Variants in SELENOI observed in about 807,000 individuals in gnomAD.
SELENOI encodes selenoprotein I.
Under a neutral mutation model 50.7 loss-of-function variants are expected in SELENOI, and 24 were observed. The observed-to-expected ratio is 0.47, with a 90% CI of 0.34 to 0.67. SELENOI has a LOEUF of 0.67. Ranked by LOEUF, SELENOI falls within the 30% of genes least tolerant of loss-of-function variation. The pLI, the probability that SELENOI is intolerant of heterozygous loss-of-function variation, is 0.01. For synonymous variants in SELENOI, 155 were observed against 170.2 expected, an observed-to-expected ratio of 0.91 and a Z score of 0.70; for missense variants, 352 against 461.4, an observed-to-expected ratio of 0.76 and a Z score of 2.17.
chr2:26,387,003 T>C (rs1677857257), intron 9 of SELENOI, among the ~76,000 whole-genome samples: 1 of 152,240 alleles, frequency 6.6e-6, no homozygotes, highest in Non-Finnish European at 1.5e-5. Flanking sequence ...CTGCCCAGTT[T>C]GCTAAGCAGT....
intron 1 of SELENOI, among the ~76,000 whole-genome samples, chr2:26,348,943 C>G (rs1353008017): frequency 7.0e-6 from 1 of 142,002 alleles, no homozygotes; most frequent in Non-Finnish European, 1.5e-5. Flanking sequence ...GAGAATTATA[C>G]TGAAGGATTT....
At chr2:26,349,954 A>G (rs1676920864) in intron 1 of SELENOI, among the ~76,000 whole-genome samples, 1 of 150,542 alleles carries the variant, frequency 6.6e-6, no homozygotes, top group Non-Finnish European at 1.5e-5. Flanking sequence ...AAAAAAAAAA[A>G]AAAAATTAGC....
At chr2:26,377,589 G>A (rs547507139) in intron 6 of SELENOI, among the ~76,000 whole-genome samples, 1 of 151,842 alleles carries the variant, frequency 6.6e-6, no homozygotes, top group African/African-American at 2.4e-5. Context: ...CTGTAATTGT[G>A]CCACTGTACT....
chr2:26,372,438 G>A (rs539136786), intron 4 of SELENOI, among the ~76,000 whole-genome samples: 3 of 152,330 alleles, frequency 2.0e-5, no homozygotes, highest in East Asian at 1.9e-4. Flanking sequence ...TAAATTCTCT[G>A]AGGGCACAGT....
chr2:26,362,085 T>G (rs1285340517), intron 1 of SELENOI, among the ~76,000 whole-genome samples: 2 of 152,186 alleles, frequency 1.3e-5, no homozygotes, highest in Admixed American at 6.5e-5. Context: ...GGCTTATTGG[T>G]TGACTCTTTG....
intron 4 of SELENOI, among the ~76,000 whole-genome samples, chr2:26,370,784 A>G (rs1574757619): frequency 5.9e-5 from 7 of 118,438 alleles, no homozygotes; most frequent in Admixed American, 1.7e-4. Flanking sequence ...CTGGCCGGGC[A>G]GAGGGGCTCC....
chr2:26,386,041 C>T (rs1572338287), intron 8 of SELENOI, among the ~76,000 whole-genome samples: 2 of 151,496 alleles, frequency 1.3e-5, no homozygotes, highest in African/African-American at 4.8e-5. Flanking sequence ...TTTAACATAT[C>T]GTAGAATCTT....
chr2:26,382,266 C>T (rs1572336629), intron 6 of SELENOI, among the ~76,000 whole-genome samples: 1 of 152,204 alleles, frequency 6.6e-6, no homozygotes, highest in African/African-American at 2.4e-5. Context: ...GTGGGGCACC[C>T]AGGTAGTAAT....
chr2:26,374,191 A>G (rs62128670), intron 5 of SELENOI, among the ~76,000 whole-genome samples: 4,432 of 152,338 alleles, frequency 0.029, 97 homozygotes, highest in Middle Eastern at 0.054. Flanking sequence ...TCTTAATGTT[A>G]TTGCATGTTC....
At chr2:26,348,414 A>G (rs1203291782) in intron 1 of SELENOI, among the ~76,000 whole-genome samples, 2 of 152,262 alleles carry the variant, frequency 1.3e-5, no homozygotes, top group Admixed American at 6.5e-5. Context: ...CTAGAGGTAT[A>G]TCTGAGAGCT....
rs564621691 is a variant in SELENOI at position 26,372,914 on chromosome 2, G to T, written c.311-453G>T. Among the ~76,000 whole-genome samples the T allele has an allele frequency of 1.8e-4, 27 of 152,238 alleles. 1 individual carries two copies. The South Asian group carries it at 5.2e-3, about 29-fold the overall frequency. On this transcript the variant is annotated intron_variant, in intron 4 of 9. Coordinates refer to ENST00000260585, the MANE Select transcript of SELENOI (RefSeq NM_033505.4). ...TGTTTAAAATTTTTTTTAGAGGCAG[G>T]ATCTCGCTCTGTTGCCCAGACTGGA...
At chr2:26,380,408 C>T (rs981077245) in intron 6 of SELENOI, among the ~76,000 whole-genome samples, 3 of 151,990 alleles carry the variant, frequency 2.0e-5, no homozygotes, top group Non-Finnish European at 2.9e-5. Context: ...TTTCCTCCCC[C>T]CTCTTAATTG....
rs1317672914 is a variant in SELENOI at position 26,349,979 on chromosome 2, C to T, written c.57+3690C>T. Among the ~76,000 whole-genome samples the T allele has an allele frequency of 3.4e-5, 5 of 146,904 alleles. No homozygotes were observed. In the East Asian group the frequency reaches 7.9e-4, roughly 23 times the overall value. On this transcript the variant is annotated intron_variant, in intron 1 of 9. Coordinates refer to ENST00000260585, the MANE Select transcript of SELENOI (RefSeq NM_033505.4). Reference sequence around the variant, plus strand: ...AAAAAATTAGCCAGGCATGGTAGCACGTGCCTATGGTCCTAGCTACTTGGG... The same window carrying T: ...AAAAAATTAGCCAGGCATGGTAGCATGTGCCTATGGTCCTAGCTACTTGGG...
chr2:26,393,338 C>T lies in SELENOI; in HGVS notation c.*4235C>T, dbSNP rs1286751009. On this transcript the variant is annotated 3_prime_UTR_variant, in exon 10 of 10. Transcript: ENST00000260585. ...TTTAAGCCTGCATGCTAGTAATATG[C>T]TTTGCTCTTTAGTAAACAAATATGC... 1.3e-5 allele frequency: 2 copies of T among 152,634 alleles called. No individual in the cohort carries two copies. Among genetic ancestry groups the T allele is most frequent in the Non-Finnish European group, 2.9e-5 (2 of 68,030 alleles). The allele number at this position is 152,634 out of a possible 1,614,324, so 9.5% of individuals were successfully genotyped here. A position where few individuals can be genotyped will look rare whatever the true frequency, so the allele number is the denominator to read the frequency against.
chr2:26,352,703 G>C (rs1472145259), intron 1 of SELENOI, among the ~76,000 whole-genome samples: 1 of 152,098 alleles, frequency 6.6e-6, no homozygotes, highest in Non-Finnish European at 1.5e-5. Context: ...AGAATCGCTT[G>C]AATCTGGGAG....
At chr2:26,386,232 A>C (rs942394718) in intron 8 of SELENOI, 122 bp from the exon 9 acceptor site, 9 of 993,834 alleles carry the variant, frequency 9.1e-6, no homozygotes, top group Admixed American at 2.6e-5. Flanking sequence ...AACTTAGATA[A>C]TGTAAGTGTG....
chr2:26,348,306 C>T (rs1317782210), intron 1 of SELENOI, among the ~76,000 whole-genome samples: 1 of 152,134 alleles, frequency 6.6e-6, no homozygotes, highest in Non-Finnish European at 1.5e-5. Flanking sequence ...TTTTGTATTC[C>T]CTCATGTGAT....
intron 6 of SELENOI, among the ~76,000 whole-genome samples, chr2:26,382,050 A>G (rs1046899186): frequency 6.6e-6 from 1 of 152,230 alleles, no homozygotes; most frequent in Non-Finnish European, 1.5e-5. Context: ...AGGAACTTAT[A>G]TCACTATAGA....
chr2:26,357,510 G>A (rs1451204638), intron 1 of SELENOI, among the ~76,000 whole-genome samples: 1 of 152,158 alleles, frequency 6.6e-6, no homozygotes, highest in Non-Finnish European at 1.5e-5. Context: ...ACGGAGGCTA[G>A]AAGTGTAGAA....
Sources: allele counts gnomAD v4.1 joint callset (sites outside exome capture counted in the v4.1 genomes callset), GRCh38; gene constraint gnomAD v4.1.1; transcripts MANE v1.5; gene names NCBI Gene and HGNC (gene_info 2026-07-23, HGNC 2026-07-21).